BCAS3: variants seen among roughly 807,000 people sequenced by gnomAD.
The protein encoded by BCAS3 is BCAS3 microtubule associated cell migration factor.
In BCAS3, 53 loss-of-function variants were observed where a neutral mutation model predicts 116.1. That is an observed-to-expected ratio of 0.46 (90% CI 0.37 to 0.57). The LOEUF (loss-of-function observed/expected upper bound fraction) is 0.57, where lower values mean the gene tolerates loss of function less well. Ranked by LOEUF, BCAS3 falls within the 20% of genes least tolerant of loss-of-function variation. BCAS3 has a pLI of 0.00. For synonymous variants in BCAS3, 391 were observed against 408.2 expected, an observed-to-expected ratio of 0.96 and a Z score of 0.51; for missense variants, 917 against 1,165.4, an observed-to-expected ratio of 0.79 and a Z score of 3.10.
At chr17:61,284,818 C>G (rs1175391543) in intron 22 of BCAS3, among the ~76,000 whole-genome samples, 1 of 152,164 alleles carries the variant, frequency 6.6e-6, no homozygotes, top group Non-Finnish European at 1.5e-5. Context: ...TTAGGAAAGC[C>G]TCCACTCAAC....
In BCAS3 at chr17:61,369,687, C is replaced by A. The variant is rs539999628; in HGVS notation, c.2593+1193C>A. On this transcript the variant is annotated intron_variant, in intron 23 of 23. Transcript: ENST00000407086. ...CCCGTGGTGCTCCTGTAATAACTGG[C>A]AAATGAACAGGATGGAAACGATAGG... 2.0e-5 allele frequency among the ~76,000 whole-genome samples: 3 copies of A among 152,278 alleles called. No homozygotes were observed. In the East Asian group the frequency reaches 5.8e-4, roughly 29 times the overall value.
intron 12 of BCAS3, among the ~76,000 whole-genome samples, chr17:60,920,927 C>G (rs1250229602): frequency 6.6e-6 from 1 of 151,154 alleles, no homozygotes; most frequent in African/African-American, 2.4e-5. Context: ...ACAACAGATA[C>G]TGGTGGGGCT....
At position 61,368,539 on chromosome 17, in the gene BCAS3, CACCTGTTG is replaced by C. The variant is rs766846335; in HGVS notation, c.2593+46_2593+53del. 9.1e-6 allele frequency: 14 copies of C among 1,543,360 alleles called. No homozygotes were observed. Among genetic ancestry groups the C allele is most frequent in the Non-Finnish European group, 1.2e-5 (14 of 1,135,512 alleles). Reference sequence around the variant, plus strand: ...TCTAGCCTGATTTGGTCAGGACCAGCACCTGTTGGTGCAGAGCTTCTCTGGAATCGTTT... The same window carrying C: ...TCTAGCCTGATTTGGTCAGGACCAGCGTGCAGAGCTTCTCTGGAATCGTTT... On this transcript the variant is annotated intron_variant, in intron 23 of 23. Transcript: ENST00000407086. This position sits in a 1 kb window ranked among gnomAD's most constrained non-coding sequence, Gnocchi z 6.0.
intron 22 of BCAS3, among the ~76,000 whole-genome samples, chr17:61,273,893 T>C (rs1293985324): frequency 1.3e-5 from 2 of 151,216 alleles, no homozygotes; most frequent in African/African-American, 4.9e-5. Context: ...TTTATATATC[T>C]CCCGTTTCCT....
chr17:60,803,771 T>G (rs1348818324), intron 6 of BCAS3, among the ~76,000 whole-genome samples: 2 of 151,720 alleles, frequency 1.3e-5, no homozygotes, highest in African/African-American at 4.8e-5. Context: ...TTTTTTCATT[T>G]TCCCTCTCAT....
rs1184319232 is a variant in BCAS3, at chr17:60,889,746, G to A, written c.713G>A (p.Arg238His). 4 of 1,613,102 alleles carry A rather than the reference G, an allele frequency of 2.5e-6. No homozygotes were observed. The highest frequency in any genetic ancestry group is 1.1e-5 in the South Asian group (1 of 91,038). ...PNMNPIALGS[R>H]WLAYAENKLI... is the part of the protein sequence containing the mutation. ...ATGAATCCTATTGCTCTTGGGAGCC[G>A]CTGGCTTGCTTATGCAGAAAACAAG... The change falls in exon 10 of 24, where the codon CGC becomes CAC. Residue 238 changes from arginine (R) to histidine (H), a missense_variant. Arg to His is a conservative substitution (Grantham distance 29). This residue lies in a region of BCAS3 where 807 missense variants were observed against 1,026.0 expected (regional missense o/e 0.79). Coordinates refer to ENST00000407086, the MANE Select transcript of BCAS3 (RefSeq NM_017679.5).
At position 61,081,909 on chromosome 17, in the gene BCAS3, T is replaced by G. The variant is rs78278284; in HGVS notation, c.2328-2558T>G. 3.0e-4 allele frequency among the ~76,000 whole-genome samples: 45 copies of G among 152,332 alleles called. 1 individual carries two copies. In the East Asian group the frequency reaches 8.7e-3, roughly 29 times the overall value. ...TTGTGAAGTCCTTGTTTAGATTTTT[T>G]GGGGCTCACCTGACCCTTGACACCT... On this transcript the variant is annotated intron_variant, in intron 21 of 23. Transcript: ENST00000407086.
chr17:61,389,870 C>T, intron 23 of BCAS3: 1 of 152,442 alleles, frequency 6.6e-6, no homozygotes, highest in Non-Finnish European at 1.5e-5. Flanking sequence ...GGTGGGGGTG[C>T]CATGCCTGGG....
At chr17:60,852,772 T>C (rs1056526158) in intron 7 of BCAS3, among the ~76,000 whole-genome samples, 2 of 152,284 alleles carry the variant, frequency 1.3e-5, no homozygotes, top group Admixed American at 6.5e-5. Context: ...TTTAAAGGGC[T>C]AAAAGCTCTA....
intron 6 of BCAS3, among the ~76,000 whole-genome samples, chr17:60,756,608 AT>A (rs985699005): frequency 6.6e-5 from 10 of 152,036 alleles, no homozygotes; most frequent in African/African-American, 2.2e-4. Context: ...TGATTTTATT[AT>A]TTTTTTATGG....
chr17:61,240,045 G>C (rs541593233), intron 22 of BCAS3, among the ~76,000 whole-genome samples: 1 of 152,150 alleles, frequency 6.6e-6, no homozygotes, highest in African/African-American at 2.4e-5. Context: ...CCTGGTGACA[G>C]GTGTTTTGGT....
chr17:61,201,110 A>G (rs1451917953), intron 22 of BCAS3, among the ~76,000 whole-genome samples: 1 of 152,282 alleles, frequency 6.6e-6, no homozygotes, highest in Non-Finnish European at 1.5e-5. Flanking sequence ...TAATGTTGAA[A>G]TAAATACATT....
At chr17:60,740,169 G>A (rs2041391830) in intron 5 of BCAS3, among the ~76,000 whole-genome samples, 1 of 151,910 alleles carries the variant, frequency 6.6e-6, no homozygotes, top group Admixed American at 6.6e-5. Context: ...TGTATTGTTT[G>A]CCTTTTAGTA....
chr17:61,201,631 G>T (rs1431993171), intron 22 of BCAS3, among the ~76,000 whole-genome samples: 2 of 152,186 alleles, frequency 1.3e-5, no homozygotes, highest in African/African-American at 2.4e-5. Flanking sequence ...GTGGTTAATG[G>T]TGAGAGAGGG....
rs777864956 is a variant in BCAS3 at position 61,124,899 on chromosome 17, A to G, written c.2425+40335A>G. Among the ~76,000 whole-genome samples, 1 of 152,188 alleles carries G rather than the reference A, an allele frequency of 6.6e-6. No homozygotes were observed. Among genetic ancestry groups the G allele is most frequent in the Non-Finnish European group, 1.5e-5 (1 of 68,028 alleles). On this transcript the variant is annotated intron_variant, in intron 22 of 23. Transcript: ENST00000407086. This position sits in a 1 kb window ranked among gnomAD's most constrained non-coding sequence, Gnocchi z 4.6. The stretch of plus-strand genomic sequence containing the variant: ...AGTAGGCAGATTAACCCTAATGAAT[A>G]TTGGCTTCCTGGAAATAGATACAGG...
At chr17:61,262,022 G>T (rs2049249108) in intron 22 of BCAS3, among the ~76,000 whole-genome samples, 1 of 152,146 alleles carries the variant, frequency 6.6e-6, no homozygotes, top group South Asian at 2.1e-4. Flanking sequence ...CCAGAGCAAT[G>T]AAATAAGAAC....
chr17:60,831,726 C>G lies in BCAS3; in HGVS notation c.476+23650C>G, dbSNP rs73990992. 2.6e-3 allele frequency among the ~76,000 whole-genome samples: 394 copies of G among 149,894 alleles called. 4 individuals carry two copies. The Middle Eastern group carries it at 0.031, about 12-fold the overall frequency. On this transcript the variant is annotated intron_variant, in intron 7 of 23. Coordinates refer to ENST00000407086, the MANE Select transcript of BCAS3 (RefSeq NM_017679.5). ...GAGCAAGGGACAGTATTTTGAGTGC[C>G]TCTTTGGCGGTGGGTTTTTTTTTTT...
chr17:61,075,415 A>G (rs1453656176), intron 20 of BCAS3, among the ~76,000 whole-genome samples: 3 of 152,164 alleles, frequency 2.0e-5, no homozygotes, highest in African/African-American at 4.8e-5. Flanking sequence ...CCTGGTTTCA[A>G]GCGATTCTCA....
rs77898131 is a variant in BCAS3, at chr17:60,930,916, A to G, written c.1087+6416A>G. 3.6e-3 allele frequency among the ~76,000 whole-genome samples: 548 copies of G among 152,280 alleles called. 12 individuals carry two copies. The East Asian group carries it at 0.076, about 21-fold the overall frequency. On this transcript the variant is annotated intron_variant, in intron 13 of 23. Coordinates refer to ENST00000407086, the MANE Select transcript of BCAS3 (RefSeq NM_017679.5). ...ATGATGGAATAACACTGCAAAACGA[A>G]TTTAGGAGACCATGTAGGTTGGTTG...
Sources: allele counts gnomAD v4.1 joint callset (sites outside exome capture counted in the v4.1 genomes callset), GRCh38; gene constraint gnomAD v4.1.1; regional missense constraint gnomAD v4.1.1; non-coding constraint Gnocchi (gnomAD v3.1); transcripts MANE v1.5; gene names NCBI Gene and HGNC (gene_info 2026-07-23, HGNC 2026-07-21).